Variants in MBNL1 observed in about 807,000 individuals in gnomAD.
MBNL1 encodes the protein muscleblind like splicing regulator 1.
A neutral mutation model predicts 42.2 loss-of-function variants in MBNL1; 8 were observed. That is an observed-to-expected ratio of 0.19 (90% CI 0.11 to 0.34). The LOEUF is 0.34. Ranked by LOEUF, MBNL1 falls within the 10% of genes least tolerant of loss-of-function variation. The pLI is 1.00. For missense variants in MBNL1, 309 were observed against 495.3 expected, an observed-to-expected ratio of 0.62 and a Z score of 3.57; for synonymous variants, 169 against 173.9, an observed-to-expected ratio of 0.97 and a Z score of 0.22.
chr3:152,293,651 G>A (rs927655560), intron 1 of MBNL1, among the ~76,000 whole-genome samples: 4 of 151,968 alleles, frequency 2.6e-5, no homozygotes, highest in Admixed American at 6.6e-5. Context: ...CATAATAAAC[G>A]ACCTCAAAAA....
intron 3 of MBNL1, among the ~76,000 whole-genome samples, chr3:152,421,090 A>G (rs767266198): frequency 5.9e-5 from 9 of 152,242 alleles, no homozygotes; most frequent in Admixed American, 1.3e-4. Flanking sequence ...AAAGGAATGA[A>G]CAAAGCCTCC....
intron 2 of MBNL1, among the ~76,000 whole-genome samples, chr3:152,331,197 CAT>C (rs945457697): frequency 6.6e-6 from 1 of 152,012 alleles, no homozygotes; most frequent in Non-Finnish European, 1.5e-5. Flanking sequence ...CACACACACA[CAT>C]ACACACATAC....
At chr3:152,315,953 C>A (rs1288473081) in intron 2 of MBNL1, among the ~76,000 whole-genome samples, 1 of 151,994 alleles carries the variant, frequency 6.6e-6, no homozygotes, top group African/African-American at 2.4e-5. Context: ...AATATTAAAT[C>A]AGGAAGAATT....
chr3:152,382,922 T>A (rs997155517), intron 2 of MBNL1, among the ~76,000 whole-genome samples: 14 of 152,076 alleles, frequency 9.2e-5, no homozygotes, highest in African/African-American at 3.4e-4. Context: ...GCCAGTCACA[T>A]CTCTTGAGGA....
chr3:152,258,910 C>T (rs2035836416), intron 2 of MBNL1, among the ~76,000 whole-genome samples: 1 of 152,178 alleles, frequency 6.6e-6, no homozygotes, highest in African/African-American at 2.4e-5. Context: ...AAGTTGACAC[C>T]TTCTAGTGTC....
chr3:152,409,465 G>GA (rs34338591), intron 2 of MBNL1, among the ~76,000 whole-genome samples: 14,246 of 140,384 alleles, frequency 0.1, 703 homozygotes, highest in Admixed American at 0.14. Context: ...CATCTTAGCT[G>GA]AAAAAAAAAA....
intron 2 of MBNL1, among the ~76,000 whole-genome samples, chr3:152,258,345 C>A (rs1576802425): frequency 1.3e-5 from 2 of 152,242 alleles, no homozygotes; most frequent in East Asian, 1.9e-4. Context: ...TTTGCAGGAA[C>A]CTGAGACTAG....
intron 2 of MBNL1, among the ~76,000 whole-genome samples, chr3:152,306,465 C>T (rs930145313): frequency 6.6e-5 from 10 of 152,096 alleles, no homozygotes; most frequent in African/African-American, 2.2e-4. Context: ...TCTAGCAGGA[C>T]GCAGAAAAGG....
At chr3:152,351,920 C>T (rs923744616) in intron 2 of MBNL1, among the ~76,000 whole-genome samples, 1 of 152,082 alleles carries the variant, frequency 6.6e-6, no homozygotes, top group Non-Finnish European at 1.5e-5. Flanking sequence ...AGTAAATGTC[C>T]AGCATTGCTC....
At chr3:152,415,505 A>G (rs1374056002) in intron 3 of MBNL1, among the ~76,000 whole-genome samples, 1 of 152,232 alleles carries the variant, frequency 6.6e-6, no homozygotes, top group Non-Finnish European at 1.5e-5. Context: ...AATTTTGAGA[A>G]TAGTTCTCCC....
intron 1 of MBNL1, among the ~76,000 whole-genome samples, chr3:152,287,677 A>G (rs2053362362): frequency 1.3e-5 from 2 of 152,194 alleles, no homozygotes. Context: ...TCCCAGAGAA[A>G]CAAATGTTGC....
At chr3:152,347,076 A>G (rs2094383950) in intron 2 of MBNL1, among the ~76,000 whole-genome samples, 2 of 152,016 alleles carry the variant, frequency 1.3e-5, no homozygotes. Flanking sequence ...TTTAGGATTG[A>G]GAGATTGAGC....
chr3:152,340,993 G>A lies in MBNL1; in HGVS notation c.174+40626G>A, dbSNP rs1457996223. 4.2e-6 allele frequency: 6 copies of A among 1,433,264 alleles called. No homozygotes were observed. The African/African-American group carries it at 8.6e-5, about 20-fold the overall frequency. The allele number at this position is 1,433,264 out of a possible 1,614,324, so 88.8% of individuals were successfully genotyped here. ...GAAGGTCTGGGTAAATTGATGAGGGGACACAAACTGTACGATGCTTATTTT... is the reference window on the plus strand; with the variant it reads ...GAAGGTCTGGGTAAATTGATGAGGGAACACAAACTGTACGATGCTTATTTT... On this transcript the variant is annotated intron_variant, in intron 2 of 9. Coordinates refer to ENST00000324210, the MANE Select transcript of MBNL1 (RefSeq NM_021038.5).
intron 9 of MBNL1, among the ~76,000 whole-genome samples, chr3:152,460,346 CTTAG>C (rs908792147): frequency 6.6e-6 from 1 of 151,414 alleles, no homozygotes; most frequent in African/African-American, 2.4e-5. Flanking sequence ...TCAAATGAAT[CTTAG>C]TTACTTTAAA....
chr3:152,378,038 A>G (rs2096989265), intron 2 of MBNL1, among the ~76,000 whole-genome samples: 1 of 152,328 alleles, frequency 6.6e-6, no homozygotes, highest in Middle Eastern at 3.4e-3. Flanking sequence ...AGGACTAACT[A>G]TATTAAGAAT....
intron 9 of MBNL1, among the ~76,000 whole-genome samples, chr3:152,460,098 C>CA (rs1399729734): frequency 1.3e-5 from 2 of 151,582 alleles, no homozygotes; most frequent in South Asian, 2.1e-4. Context: ...ACAAAAAATA[C>CA]AAAAAAATCA....
At chr3:152,371,425 C>T (rs2096654988) in intron 2 of MBNL1, among the ~76,000 whole-genome samples, 1 of 152,088 alleles carries the variant, frequency 6.6e-6, no homozygotes, top group South Asian at 2.1e-4. Flanking sequence ...TGGGAAAACT[C>T]CATCTCTACT....
rs1273293015 is a variant in MBNL1, at chr3:152,462,990, T to A, written c.*624T>A. ...ACAACTGTGTATATTTTAAAGCACA[T>A]CATGGCTTTAAGTACCATGTTGTTA... On this transcript the variant is annotated 3_prime_UTR_variant, in exon 10 of 10. Coordinates refer to ENST00000324210, the MANE Select transcript of MBNL1 (RefSeq NM_021038.5). 6.6e-6 allele frequency: 1 copy of A among 152,502 alleles called. No individual in the cohort carries two copies. Among genetic ancestry groups the A allele is most frequent in the Non-Finnish European group, 1.5e-5 (1 of 67,972 alleles). The allele number at this position is 152,502 out of a possible 1,614,324, so 9.4% of individuals were successfully genotyped here.
At chr3:152,262,719 C>T (rs2036506780) in intron 2 of MBNL1, 1 of 152,068 alleles carries the variant, frequency 6.6e-6, no homozygotes, top group African/African-American at 2.4e-5. Flanking sequence ...ATTAAAAGCC[C>T]TATTAGATAC....
Sources: gnomAD v4.1 joint callset for allele counts (sites outside exome capture counted in the v4.1 genomes callset) on GRCh38, gnomAD v4.1.1 for gene constraint, MANE v1.5 for transcripts, NCBI Gene and HGNC (gene_info 2026-07-23, HGNC 2026-07-21) for gene names.